The following GARRE1 variants were observed in gnomAD, a reference collection of about 807,000 sequenced individuals.
The protein encoded by GARRE1 is granule associated Rac and RHOG effector protein 1.
GARRE1 carries 49 observed loss-of-function variants against 103.2 expected under a neutral mutation model. The observed-to-expected ratio is 0.47, with a 90% CI of 0.38 to 0.60. The LOEUF is 0.60. Among genes scored for constraint, GARRE1 ranks in the 20% least tolerant of loss-of-function variants. The pLI, the probability that GARRE1 is intolerant of heterozygous loss-of-function variation, is 0.00. For synonymous variants in GARRE1, 505 were observed against 532.8 expected (o/e 0.95, Z 0.72); for missense variants, 1,199 against 1,370.5 (o/e 0.87, Z 1.98).
chr19:34,271,789 C>T (rs1490982652), intron 1 of GARRE1, among the ~76,000 whole-genome samples: 3 of 151,622 alleles, frequency 2.0e-5, no homozygotes, highest in African/African-American at 4.8e-5. Flanking sequence ...GAGCTATGAT[C>T]GTGCCACTGT....
chr19:34,340,769 C>T (rs1219051605), intron 9 of GARRE1, among the ~76,000 whole-genome samples: 2 of 152,152 alleles, frequency 1.3e-5, no homozygotes, highest in African/African-American at 4.8e-5. Context: ...GTGCCTGCCT[C>T]GGCCTCCCAA....
chr19:34,347,671 A>G (rs1230529480), intron 10 of GARRE1, among the ~76,000 whole-genome samples: 1 of 152,158 alleles, frequency 6.6e-6, no homozygotes, highest in Admixed American at 6.6e-5. Context: ...CCTGGCACAC[A>G]CCATGCCTCA....
chr19:34,268,996 A>G (rs2073770004), intron 1 of GARRE1, among the ~76,000 whole-genome samples: 1 of 152,170 alleles, frequency 6.6e-6, no homozygotes, highest in African/African-American at 2.4e-5. Flanking sequence ...CTATATTACT[A>G]CTTAGCACAT....
At chr19:34,321,937 T>C (rs1208003134) in intron 3 of GARRE1, among the ~76,000 whole-genome samples, 1 of 152,094 alleles carries the variant, frequency 6.6e-6, no homozygotes, top group Non-Finnish European at 1.5e-5. Flanking sequence ...TCAGGGATAA[T>C]GTGAAGGAGA....
rs184048071 is a variant in GARRE1, at chr19:34,302,944, C to T, written c.495+1976C>T. On this transcript the variant is annotated intron_variant, in intron 2 of 13. Coordinates refer to ENST00000299505, the MANE Select transcript of GARRE1 (RefSeq NM_014686.5). ...TATTTTAGTAGAGATGGGTTTTCAC[C>T]GTGTTGCCCAGGCTGGTGTCAAACT... 3.0e-4 allele frequency among the ~76,000 whole-genome samples: 45 copies of T among 151,944 alleles called. 1 individual carries two copies. In the East Asian group the frequency reaches 6.4e-3, roughly 22 times the overall value.
chr19:34,323,052 A>T (rs56091776), intron 3 of GARRE1, among the ~76,000 whole-genome samples: 2,061 of 44,498 alleles, frequency 0.046, 22 homozygotes, highest in African/African-American at 0.14. Flanking sequence ...TTTTTTTTTG[A>T]GGTGGAGTCT....
chr19:34,328,668 A>G (rs996003530), intron 6 of GARRE1, among the ~76,000 whole-genome samples: 5 of 151,870 alleles, frequency 3.3e-5, no homozygotes, highest in African/African-American at 1.2e-4. Flanking sequence ...CAGTGGTGTG[A>G]TCTATCTCAG....
chr19:34,345,779 G>A (rs552948150), intron 10 of GARRE1, among the ~76,000 whole-genome samples: 15 of 152,334 alleles, frequency 9.8e-5, no homozygotes, highest in Admixed American at 4.6e-4. Context: ...CTGAGATCAC[G>A]CCACTGCACT....
chr19:34,268,905 T>C (rs2073769031), intron 1 of GARRE1, among the ~76,000 whole-genome samples: 1 of 152,202 alleles, frequency 6.6e-6, no homozygotes. Context: ...GCATTGATCT[T>C]CCTGTTCCTT....
intron 1 of GARRE1, among the ~76,000 whole-genome samples, chr19:34,288,278 C>T (rs1367595471): frequency 6.6e-6 from 1 of 152,194 alleles, no homozygotes; most frequent in African/African-American, 2.4e-5. Flanking sequence ...TGAATGGAAA[C>T]TGTGGTGTTT....
chr19:34,276,694 C>T (rs1294013053), intron 1 of GARRE1, among the ~76,000 whole-genome samples: 1 of 152,218 alleles, frequency 6.6e-6, no homozygotes, highest in African/African-American at 2.4e-5. Context: ...ATACCGCAGC[C>T]ACTGCCAGGT....
chr19:34,347,495 A>G (rs971852785), intron 10 of GARRE1, among the ~76,000 whole-genome samples: 1 of 152,232 alleles, frequency 6.6e-6, no homozygotes, highest in Non-Finnish European at 1.5e-5. Flanking sequence ...CCAAAATGCT[A>G]GGATTACAGG....
rs1289098066 is a variant in GARRE1, at chr19:34,354,252, AAT to A, written c.*1302_*1303del. 6.6e-6 allele frequency: 1 copy of A among 152,214 alleles called. No homozygotes were observed. Among genetic ancestry groups the A allele is most frequent in the African/African-American group, 2.4e-5 (1 of 41,440 alleles). The allele number at this position is 152,214 out of a possible 1,614,324, so 9.4% of individuals were successfully genotyped here. On this transcript the variant is annotated 3_prime_UTR_variant, in exon 14 of 14. Transcript: ENST00000299505. ...TTTTCTTAAATCATTAAACCATTTTAATATATGTTAACTACTAATAAATGGTT... is the reference window on the plus strand; with the variant it reads ...TTTTCTTAAATCATTAAACCATTTTAATATGTTAACTACTAATAAATGGTT...
intron 2 of GARRE1, among the ~76,000 whole-genome samples, chr19:34,304,887 G>A (rs1599765070): frequency 6.6e-6 from 1 of 151,350 alleles, no homozygotes; most frequent in Admixed American, 6.6e-5. Context: ...TGCCTCCCAG[G>A]TTCACGCTGT....
intron 1 of GARRE1, among the ~76,000 whole-genome samples, chr19:34,261,899 C>T (rs2073720606): frequency 6.6e-6 from 1 of 152,172 alleles, no homozygotes; most frequent in Non-Finnish European, 1.5e-5. Context: ...GTCTACATTG[C>T]ATTGTTTAAT....
At chr19:34,318,694 T>C (rs2074071138) in intron 2 of GARRE1, among the ~76,000 whole-genome samples, 2 of 152,146 alleles carry the variant, frequency 1.3e-5, no homozygotes, top group African/African-American at 4.8e-5. Context: ...GTCAATAATC[T>C]GGAAGGTTTG....
At chr19:34,344,523 G>A (rs1248992360) in intron 10 of GARRE1, among the ~76,000 whole-genome samples, 2 of 149,652 alleles carry the variant, frequency 1.3e-5, no homozygotes, top group African/African-American at 2.5e-5. Context: ...CCCGGGAGGC[G>A]GAGCTTGCAG....
chr19:34,287,377 G>A (rs1186231680), intron 1 of GARRE1, among the ~76,000 whole-genome samples: 2 of 151,986 alleles, frequency 1.3e-5, no homozygotes, highest in Non-Finnish European at 2.9e-5. Flanking sequence ...GACTGGACTC[G>A]AAGTCCTGGA....
chr19:34,291,754 T>C (rs968417446), intron 1 of GARRE1, among the ~76,000 whole-genome samples: 4 of 152,208 alleles, frequency 2.6e-5, no homozygotes, highest in Non-Finnish European at 5.9e-5. Flanking sequence ...ACAAGAACTT[T>C]GGATGACATT....
Sources: gnomAD v4.1 joint callset for allele counts (sites outside exome capture counted in the v4.1 genomes callset) on GRCh38, gnomAD v4.1.1 for gene constraint, MANE v1.5 for transcripts, NCBI Gene and HGNC (gene_info 2026-07-23, HGNC 2026-07-21) for gene names.